BACH2: variants seen among roughly 807,000 people sequenced by gnomAD.
BACH2 encodes the protein transcription regulator protein BACH2.
Under a neutral mutation model 61.8 loss-of-function variants are expected in BACH2, and 5 were observed. The observed-to-expected ratio is 0.08, with a 90% CI of 0.04 to 0.17. The LOEUF is 0.17. Ranked by LOEUF, BACH2 falls within the 10% of genes least tolerant of loss-of-function variation. The pLI is 1.00. For missense variants in BACH2, 824 were observed against 1,091.1 expected, an observed-to-expected ratio of 0.76 and a Z score of 3.45; for synonymous variants, 446 against 440.1, an observed-to-expected ratio of 1.01 and a Z score of -0.17.
chr6:90,008,475 C>T lies in BACH2; in HGVS notation c.243+127G>A. On this transcript the variant is annotated intron_variant, in intron 6 of 8. Transcript: ENST00000257749. This position sits in a 1 kb window ranked among gnomAD's most constrained non-coding sequence, Gnocchi z 4.1. The stretch of plus-strand genomic sequence containing the variant: ...GAAACTGACTATGCCACAGACCTAA[C>T]ATGTGACTTGGACATCAACTCCTGA... 1 of 1,168,442 alleles carries T rather than the reference C, an allele frequency of 8.6e-7. No individual in the cohort carries two copies. Among genetic ancestry groups the T allele is most frequent in the Admixed American group, 2.0e-5 (1 of 49,968 alleles). 72.4% of individuals were successfully genotyped at this position (1,168,442 alleles called of 1,614,324 possible). A position where few individuals can be genotyped will look rare whatever the true frequency, so the allele number is the denominator to read the frequency against.
intron 4 of BACH2, among the ~76,000 whole-genome samples, chr6:90,178,264 C>T (rs1768043666): frequency 6.6e-6 from 1 of 152,110 alleles, no homozygotes; most frequent in Non-Finnish European, 1.5e-5. Flanking sequence ...ACTTCCCTCA[C>T]CACCTCACTA....
chr6:90,017,750 G>A (rs1049850208), intron 5 of BACH2, among the ~76,000 whole-genome samples: 2 of 152,184 alleles, frequency 1.3e-5, no homozygotes, highest in Non-Finnish European at 2.9e-5. Context: ...AATAACTACT[G>A]CAATGTCCTT....
intron 5 of BACH2, among the ~76,000 whole-genome samples, chr6:90,030,716 C>T (rs967395065): frequency 5.3e-5 from 8 of 151,978 alleles, no homozygotes; most frequent in African/African-American, 1.7e-4. Context: ...TAATTAATAG[C>T]TTACCAACCA....
At chr6:90,223,044 C>T (rs1056793734) in intron 3 of BACH2, among the ~76,000 whole-genome samples, 19 of 152,218 alleles carry the variant, frequency 1.2e-4, no homozygotes, top group African/African-American at 4.3e-4. Flanking sequence ...GGACTAGCTG[C>T]GTTAAGGATA....
At chr6:90,167,333 T>C (rs564703667) in intron 4 of BACH2, among the ~76,000 whole-genome samples, 13 of 152,304 alleles carry the variant, frequency 8.5e-5, no homozygotes, top group Admixed American at 3.9e-4. Flanking sequence ...ATTTTGGATG[T>C]TGCTATCAGC....
At chr6:89,965,034 G>A (rs1269468215) in intron 6 of BACH2, among the ~76,000 whole-genome samples, 1 of 152,104 alleles carries the variant, frequency 6.6e-6, no homozygotes, top group African/African-American at 2.4e-5. Flanking sequence ...ACAGGCGTGT[G>A]CCACCACACC....
At chr6:90,295,092 C>T (rs1772298120) in intron 1 of BACH2, among the ~76,000 whole-genome samples, 1 of 152,202 alleles carries the variant, frequency 6.6e-6, no homozygotes, top group Non-Finnish European at 1.5e-5. Context: ...CGTCTCGCCG[C>T]CCGCGGGCCC....
chr6:90,124,895 C>G (rs1328679226), intron 4 of BACH2, among the ~76,000 whole-genome samples: 1 of 152,178 alleles, frequency 6.6e-6, no homozygotes, highest in African/African-American at 2.4e-5. Flanking sequence ...TGCTTGTTCC[C>G]TCACACTCTT....
chr6:90,276,762 A>G (rs900122219), intron 1 of BACH2, among the ~76,000 whole-genome samples: 3 of 152,032 alleles, frequency 2.0e-5, no homozygotes, highest in Admixed American at 6.6e-5. Flanking sequence ...TTCATCCCTT[A>G]TTATACCCTG....
At chr6:90,236,423 G>A (rs1329165598) in intron 3 of BACH2, among the ~76,000 whole-genome samples, 5 of 152,220 alleles carry the variant, frequency 3.3e-5, no homozygotes, top group African/African-American at 9.6e-5. Context: ...GAAGCGAACA[G>A]TTTACCCAGG....
chr6:90,050,720 A>G (rs1780003306), intron 5 of BACH2, among the ~76,000 whole-genome samples: 1 of 152,142 alleles, frequency 6.6e-6, no homozygotes, highest in Admixed American at 6.5e-5. Context: ...AATTTCTAAT[A>G]AGGTAAATAT....
chr6:90,180,066 A>G (rs1419437604), intron 4 of BACH2, among the ~76,000 whole-genome samples: 2 of 152,222 alleles, frequency 1.3e-5, no homozygotes, highest in Non-Finnish European at 2.9e-5. Flanking sequence ...AAACATAAAA[A>G]AAGAATGTTT....
intron 1 of BACH2, among the ~76,000 whole-genome samples, chr6:90,282,205 T>C (rs997481050): frequency 6.6e-6 from 1 of 152,224 alleles, no homozygotes; most frequent in Non-Finnish European, 1.5e-5. Context: ...TACTGGTTTG[T>C]TACACAGGTA....
At position 89,991,448 on chromosome 6, in the gene BACH2, C is replaced by T. The variant is rs559300272; in HGVS notation, c.243+17154G>A. 8.5e-5 allele frequency among the ~76,000 whole-genome samples: 13 copies of T among 152,246 alleles called. 1 individual carries two copies. Among genetic ancestry groups the T allele is most frequent in the South Asian group, 6.2e-4 (3 of 4,814 alleles). On this transcript the variant is annotated intron_variant, in intron 6 of 8. Coordinates refer to ENST00000257749, the MANE Select transcript of BACH2 (RefSeq NM_021813.4). Reference sequence around the variant, plus strand: ...TCTCTTCTCTCAATGTATATCTATACAGTCCTGTTCACGTAAGCGTGCACG... The same window carrying T: ...TCTCTTCTCTCAATGTATATCTATATAGTCCTGTTCACGTAAGCGTGCACG...
rs188021927 is a variant in BACH2 at position 90,102,836 on chromosome 6, T to A, written c.-161-13727A>T. Among the ~76,000 whole-genome samples, 55 of 106,846 alleles carry A rather than the reference T, an allele frequency of 5.1e-4. 1 individual carries two copies. Among genetic ancestry groups the A allele is most frequent in the South Asian group, 1.4e-3 (4 of 2,942 alleles). 70.1% of individuals were successfully genotyped at this position (106,846 alleles called of 152,430 possible). A position where few individuals can be genotyped will look rare whatever the true frequency, so the allele number is the denominator to read the frequency against. ...ATAATAATAATAATAATAATAATAA[T>A]AATAAAAATAAAAGGACCTTCCATT... On this transcript the variant is annotated intron_variant, in intron 4 of 8. Transcript: ENST00000257749.
At chr6:90,265,291 G>T (rs1336210126) in intron 2 of BACH2, among the ~76,000 whole-genome samples, 5 of 151,824 alleles carry the variant, frequency 3.3e-5, no homozygotes, top group Non-Finnish European at 7.4e-5. Context: ...CTCTAAAATA[G>T]AATTTCTAAA....
intron 3 of BACH2, among the ~76,000 whole-genome samples, chr6:90,246,444 A>G (rs1413077717): frequency 1.3e-5 from 2 of 152,196 alleles, no homozygotes; most frequent in Non-Finnish European, 2.9e-5. Context: ...ACTCTTTAAG[A>G]TAGGTTTCAA....
chr6:90,236,128 C>T (rs942476543), intron 3 of BACH2, among the ~76,000 whole-genome samples: 4 of 152,242 alleles, frequency 2.6e-5, no homozygotes, highest in African/African-American at 9.6e-5. Flanking sequence ...TTCACCACTG[C>T]TTCCTGTGTG....
At chr6:89,994,576 C>G (rs1322999009) in intron 6 of BACH2, among the ~76,000 whole-genome samples, 2 of 152,226 alleles carry the variant, frequency 1.3e-5, no homozygotes, top group East Asian at 3.9e-4. Context: ...TGAAGAGCCC[C>G]GAGTTGGACG....
Sources: allele counts gnomAD v4.1 joint callset (sites outside exome capture counted in the v4.1 genomes callset), GRCh38; gene constraint gnomAD v4.1.1; non-coding constraint Gnocchi (gnomAD v3.1); transcripts MANE v1.5; gene names NCBI Gene and HGNC (gene_info 2026-07-23, HGNC 2026-07-21).